TBK1: variants seen among roughly 807,000 people sequenced by gnomAD.
TBK1 encodes serine/threonine-protein kinase TBK1.
In TBK1, 37 loss-of-function variants were observed where a neutral mutation model predicts 99.9. That is an observed-to-expected ratio of 0.37 (90% CI 0.28 to 0.49). The LOEUF is 0.49. Among genes scored for constraint, TBK1 ranks in the 20% least tolerant of loss-of-function variants. The probability of loss-of-function intolerance (pLI) is 0.98; values close to 1 mark genes in which losing one functional copy is unlikely to be tolerated. For synonymous variants in TBK1, 258 were observed against 279.8 expected (o/e 0.92, Z 0.78); for missense variants, 644 against 872.5 (o/e 0.74, Z 3.30).
chr12:64,477,411 G>A (rs923758342), intron 6 of TBK1, among the ~76,000 whole-genome samples: 3 of 152,130 alleles, frequency 2.0e-5, no homozygotes, highest in African/African-American at 7.2e-5. Flanking sequence ...TTTTGTGTCT[G>A]TGTGTGGCTA....
intron 5 of TBK1, 54 bp downstream of exon 5, chr12:64,467,136 T>A (rs988880331): frequency 1.5e-6 from 2 of 1,351,014 alleles, no homozygotes; most frequent in Non-Finnish European, 2.0e-6. Flanking sequence ...ATATTGTAAT[T>A]ATAATTGGGT....
chr12:64,482,013 C>G lies in TBK1; in HGVS notation c.984C>G (p.Ser328Arg). The G allele has an allele frequency of 6.4e-7, 1 of 1,551,876 alleles. No individual in the cohort carries two copies. Reference sequence around the variant, plus strand: ...CAGCTCATAAGATTTATATTCATAGCTATAATACGTAAGTATCTCTATTTT... The same window carrying G: ...CAGCTCATAAGATTTATATTCATAGGTATAATACGTAAGTATCTCTATTTT... ...QMTAHKIYIH[S>R]YNTATIFHEL... The change falls in exon 8 of 21, where the codon AGC (serine) becomes AGG (arginine). Residue 328 changes from serine (S) to arginine (R), a missense_variant. Around this residue, in one of 3 missense-constraint regions of TBK1, gnomAD observed 465 missense variants for 588.0 expected, o/e 0.79. Transcript: ENST00000331710.
At chr12:64,455,160 AT>A (rs925116068) in intron 1 of TBK1, among the ~76,000 whole-genome samples, 55 of 149,994 alleles carry the variant, frequency 3.7e-4, no homozygotes, top group Admixed American at 4.7e-4. Flanking sequence ...TAATTTTTGT[AT>A]TTTTTGTGGA....
At chr12:64,475,645 T>G (rs1404418599) in intron 6 of TBK1, among the ~76,000 whole-genome samples, 2 of 152,212 alleles carry the variant, frequency 1.3e-5, no homozygotes, top group African/African-American at 4.8e-5. Context: ...ATTAGTTCAC[T>G]TAGGATAAAG....
chr12:64,469,368 C>G (rs571897898), intron 5 of TBK1, among the ~76,000 whole-genome samples: 9 of 152,090 alleles, frequency 5.9e-5, no homozygotes, highest in South Asian at 2.1e-4. Flanking sequence ...GAAATCACCC[C>G]CTTCCTGCTC....
At chr12:64,489,098 G>T (rs1420054502) in intron 12 of TBK1, among the ~76,000 whole-genome samples, 1 of 152,194 alleles carries the variant, frequency 6.6e-6, no homozygotes, top group African/African-American at 2.4e-5. Flanking sequence ...TCTCTTAGTG[G>T]CATTTCCTCC....
chr12:64,469,147 A>G (rs1039139154), intron 5 of TBK1, among the ~76,000 whole-genome samples: 24 of 152,106 alleles, frequency 1.6e-4, no homozygotes, highest in African/African-American at 5.8e-4. Context: ...AGAATGTGTC[A>G]TAGAACCTAG....
chr12:64,473,711 A>G (rs2040682984), intron 5 of TBK1, among the ~76,000 whole-genome samples: 1 of 152,106 alleles, frequency 6.6e-6, no homozygotes, highest in Non-Finnish European at 1.5e-5. Flanking sequence ...AAGGTCCTCA[A>G]GGATCACTTG....
At chr12:64,474,097 G>A in intron 5 of TBK1, 133 bp from the exon 6 acceptor site, 1 of 836,080 alleles carries the variant, frequency 1.2e-6, no homozygotes, top group East Asian at 2.7e-5. Context: ...ATGTGAAATA[G>A]TCTTTTCAGA....
rs1373678093 is a variant in TBK1, at chr12:64,460,960, A to G, written c.228+631A>G. ...GCCATGCATGGAGGTGTACGCCTGT[A>G]GTTCCAGCTACTCAGGAGGCTGAAG... On this transcript the variant is annotated intron_variant, in intron 3 of 20. Transcript: ENST00000331710. Among the ~76,000 whole-genome samples the G allele has an allele frequency of 6.6e-5, 10 of 152,032 alleles. No homozygotes were observed. The South Asian group carries it at 1.5e-3, about 22-fold the overall frequency.
chr12:64,484,825 G>A (rs999397891), intron 9 of TBK1, among the ~76,000 whole-genome samples: 2 of 152,188 alleles, frequency 1.3e-5, no homozygotes, highest in Non-Finnish European at 2.9e-5. Flanking sequence ...GATAATATTA[G>A]TGTAGAGCTT....
intron 6 of TBK1, among the ~76,000 whole-genome samples, chr12:64,478,740 T>C (rs939984945): frequency 2.0e-5 from 3 of 152,230 alleles, no homozygotes; most frequent in Non-Finnish European, 4.4e-5. Context: ...GTCATTGCCC[T>C]TTTAATGAAA....
chr12:64,500,753 CTTTTTTTTT>C (rs1009756107), intron 20 of TBK1, among the ~76,000 whole-genome samples: 7 of 98,966 alleles, frequency 7.1e-5, no homozygotes, highest in South Asian at 3.7e-4. Context: ...AACTCGGTAT[CTTTTTTTTT>C]TTTTTTTTTT....
In TBK1 at chr12:64,485,264, C is replaced by T. The variant is rs576636905; in HGVS notation, c.1190-191C>T. On this transcript the variant is annotated intron_variant, in intron 9 of 20. Transcript: ENST00000331710. The stretch of plus-strand genomic sequence containing the variant: ...GTATATTTAAGGAAAAAATGAAACT[C>T]CTTAGAAATATTTGAGGTAATTTGT... Among the ~76,000 whole-genome samples, 7 of 152,042 alleles carry T rather than the reference C, an allele frequency of 4.6e-5. No homozygotes were observed. In the East Asian group the frequency reaches 1.4e-3, roughly 29 times the overall value.
At chr12:64,492,536 C>A (rs1014958504) in intron 13 of TBK1, among the ~76,000 whole-genome samples, 2 of 152,080 alleles carry the variant, frequency 1.3e-5, no homozygotes, top group African/African-American at 4.8e-5. Context: ...GAACTCCCAA[C>A]CTCAGGTGAT....
At position 64,490,041 on chromosome 12, in the gene TBK1, A is replaced by G; in HGVS notation, c.1443A>G (p.Val481=). Residue 481 remains valine, a splice_region_variant and synonymous_variant, in exon 13 of 21, where the codon GTA becomes GTG. Coordinates refer to ENST00000331710, the MANE Select transcript of TBK1 (RefSeq NM_013254.4). The part of the protein sequence containing the change: ...CIRNIEKTVK[V]YEKLMKINLE... ...TTTTCTCTTTTGACTTTTCATACAG[A>G]TATGAAAAGTTGATGAAGATCAACC... 6.2e-7 allele frequency: 1 copy of G among 1,602,294 alleles called. No individual in the cohort carries two copies. Among genetic ancestry groups the G allele is most frequent in the Non-Finnish European group, 8.5e-7 (1 of 1,172,394 alleles).
intron 20 of TBK1, among the ~76,000 whole-genome samples, chr12:64,500,827 C>G (rs1012777348): frequency 1.4e-5 from 2 of 142,328 alleles, no homozygotes; most frequent in African/African-American, 5.1e-5. Context: ...GGCATGATCT[C>G]GGCTCACTGC....
intron 5 of TBK1, among the ~76,000 whole-genome samples, chr12:64,470,316 CAT>C (rs1359367792): frequency 6.6e-6 from 1 of 152,006 alleles, no homozygotes; most frequent in Non-Finnish European, 1.5e-5. Flanking sequence ...TGTAAAGGAA[CAT>C]ATTTTATAAT....
chr12:64,460,455 C>CGATA, intron 3 of TBK1, 126 bp downstream of exon 3: 1 of 610,744 alleles, frequency 1.6e-6, no homozygotes. Context: ...AATACTTTAT[C>CGATA]CTAAAGGATT....
Sources: allele counts gnomAD v4.1 joint callset (sites outside exome capture counted in the v4.1 genomes callset), GRCh38; gene constraint gnomAD v4.1.1; regional missense constraint gnomAD v4.1.1; transcripts MANE v1.5; gene names NCBI Gene and HGNC (gene_info 2026-07-23, HGNC 2026-07-21).